SMIM31: variants seen among roughly 807,000 people sequenced by gnomAD.
SMIM31 encodes small integral membrane protein 31, also known as human epithelial cell program regulator.
chr4:164,770,453 C>T lies in SMIM31; in HGVS notation c.10C>T (p.Pro4Ser), dbSNP rs535683651. Residue 4 changes from proline to serine, a missense_variant, in exon 2 of 3, where the codon CCC becomes TCC. By Grantham distance (74) the Pro-to-Ser change is moderately conservative (BLOSUM62 -1). Coordinates refer to ENST00000507311, the MANE Select transcript of SMIM31 (RefSeq NM_001352885.1). ...TTTTCGGTGGTGGTTCATGGAGCTT[C>T]CCTACACCAACTTGGAAATGGCATT... The part of the protein sequence containing the change: MEL[P>S]YTNLEMAFIL... 1.3e-5 allele frequency: 5 copies of T among 398,936 alleles called. No homozygotes were observed. Among genetic ancestry groups the T allele is most frequent in the African/African-American group, 6.2e-5 (3 of 48,724 alleles). 24.7% of individuals were successfully genotyped at this position (398,936 alleles called of 1,614,324 possible). A position where few individuals can be genotyped will look rare whatever the true frequency, so the allele number is the denominator to read the frequency against.
chr4:164,791,428 G>T (rs1733099976), intron 2 of SMIM31, among the ~76,000 whole-genome samples: 1 of 152,112 alleles, frequency 6.6e-6, no homozygotes, highest in African/African-American at 2.4e-5. Context: ...TGCCTTTCAA[G>T]CTCAAGCCAT....
intron 1 of SMIM31, among the ~76,000 whole-genome samples, chr4:164,765,183 G>A (rs1360125949): frequency 1.3e-5 from 2 of 152,146 alleles, no homozygotes; most frequent in African/African-American, 4.8e-5. Context: ...ACAGAGGAAG[G>A]CAACATGATA....
At chr4:164,793,956 A>G (rs953810994) in intron 2 of SMIM31, among the ~76,000 whole-genome samples, 1 of 152,246 alleles carries the variant, frequency 6.6e-6, no homozygotes, top group Non-Finnish European at 1.5e-5. Context: ...TTTCTTGGCT[A>G]TGACACCAAA....
At chr4:164,758,679 G>T (rs1732601929) in intron 1 of SMIM31, among the ~76,000 whole-genome samples, 1 of 134,500 alleles carries the variant, frequency 7.4e-6, no homozygotes, top group Non-Finnish European at 1.5e-5. Context: ...TGTCCCCCAG[G>T]CTAGACTGCA....
chr4:164,788,678 A>T (rs966021712), intron 2 of SMIM31, among the ~76,000 whole-genome samples: 3 of 150,216 alleles, frequency 2.0e-5, no homozygotes, highest in Admixed American at 6.6e-5. Context: ...TAGTAGAGAC[A>T]GGGTTTCTCC....
intron 2 of SMIM31, among the ~76,000 whole-genome samples, chr4:164,797,707 G>T (rs1236421289): frequency 6.6e-6 from 1 of 151,954 alleles, no homozygotes; most frequent in Non-Finnish European, 1.5e-5. Flanking sequence ...CAGGTGATCA[G>T]CCCGCCTAGG....
chr4:164,770,370 C>T, intron 1 of SMIM31, 49 bp from the exon 2 acceptor site: 1 of 398,488 alleles, frequency 2.5e-6, no homozygotes, highest in Non-Finnish European at 4.4e-6. Flanking sequence ...GCTGAGCAAG[C>T]TCTCTCTGGA....
intron 2 of SMIM31, among the ~76,000 whole-genome samples, chr4:164,772,767 A>G (rs1200394260): frequency 1.3e-5 from 2 of 151,018 alleles, no homozygotes; most frequent in Non-Finnish European, 3.0e-5. Flanking sequence ...TTTAGTAGAG[A>G]CGGGGTTTCA....
At chr4:164,797,034 G>T (rs1480942827) in intron 2 of SMIM31, among the ~76,000 whole-genome samples, 1 of 152,104 alleles carries the variant, frequency 6.6e-6, no homozygotes, top group Non-Finnish European at 1.5e-5. Context: ...AGGGGTTCCT[G>T]CTTTAGGTTG....
At chr4:164,786,821 A>G (rs1357623959) in intron 2 of SMIM31, among the ~76,000 whole-genome samples, 1 of 152,214 alleles carries the variant, frequency 6.6e-6, no homozygotes, top group Non-Finnish European at 1.5e-5. Flanking sequence ...AGCCTGCTTG[A>G]TTTCATCCAG....
intron 1 of SMIM31, among the ~76,000 whole-genome samples, chr4:164,768,442 A>G (rs1357446360): frequency 6.6e-6 from 1 of 151,366 alleles, no homozygotes; most frequent in Non-Finnish European, 1.5e-5. Context: ...AAAAAAAAAA[A>G]AGAATGAGGA....
intron 2 of SMIM31, among the ~76,000 whole-genome samples, chr4:164,783,851 C>T (rs1241741823): frequency 1.3e-5 from 2 of 152,146 alleles, no homozygotes; most frequent in African/African-American, 4.8e-5. Context: ...CCTGTACTGA[C>T]ATTTTCACTT....
intron 1 of SMIM31, among the ~76,000 whole-genome samples, chr4:164,767,985 A>G (rs938269728): frequency 1.3e-5 from 2 of 152,134 alleles, no homozygotes; most frequent in Admixed American, 6.6e-5. Context: ...CTGTAATCTC[A>G]GCATTTTGGG....
At chr4:164,792,232 C>G (rs1014492710) in intron 2 of SMIM31, among the ~76,000 whole-genome samples, 21 of 152,148 alleles carry the variant, frequency 1.4e-4, no homozygotes, top group Admixed American at 1.4e-3. Context: ...TATCATTAAC[C>G]TTTTTCAAAG....
chr4:164,794,249 C>G (rs1429156967), intron 2 of SMIM31, among the ~76,000 whole-genome samples: 2 of 152,008 alleles, frequency 1.3e-5, no homozygotes, highest in African/African-American at 4.8e-5. Flanking sequence ...AGCAGTGGTG[C>G]ACGCCTGTAG....
intron 2 of SMIM31, among the ~76,000 whole-genome samples, chr4:164,793,957 T>A (rs1008485480): frequency 7.2e-5 from 11 of 152,206 alleles, no homozygotes; most frequent in African/African-American, 2.7e-4. Context: ...TTCTTGGCTA[T>A]GACACCAAAA....
chr4:164,790,751 G>A (rs927342100), intron 2 of SMIM31, among the ~76,000 whole-genome samples: 1 of 152,034 alleles, frequency 6.6e-6, no homozygotes, highest in Non-Finnish European at 1.5e-5. Context: ...TTCACCTGTT[G>A]ATCTAGTTTC....
intron 2 of SMIM31, among the ~76,000 whole-genome samples, chr4:164,781,129 TACACACACAC>T (rs138037586): frequency 4.8e-5 from 7 of 144,540 alleles, no homozygotes; most frequent in South Asian, 2.2e-4. Context: ...TACATTTACA[TACACACACAC>T]ACACACACAC....
Position 164,783,533 on chromosome 4 carries a change from A to G in SMIM31, c.112+12978A>G, listed in dbSNP as rs1292359889. Among the ~76,000 whole-genome samples the G allele has an allele frequency of 1.3e-3, 62 of 47,356 alleles. 1 individual carries two copies. Among genetic ancestry groups the G allele is most frequent in the African/African-American group, 3.9e-3 (60 of 15,380 alleles). The allele number at this position is 47,356 out of a possible 152,430, so 31.1% of individuals were successfully genotyped here. A position where few individuals can be genotyped will look rare whatever the true frequency, so the allele number is the denominator to read the frequency against. On this transcript the variant is annotated intron_variant, in intron 2 of 2. Transcript: ENST00000507311. ...AGCAAGATTCTGTCTCAAAAAAAGA[A>G]AAAAAAAAAAAAAAAGGAATTTCCA...
Sources: gnomAD v4.1 joint callset for allele counts (sites outside exome capture counted in the v4.1 genomes callset) on GRCh38, gnomAD v4.1.1 for gene constraint, MANE v1.5 for transcripts, NCBI Gene and HGNC (gene_info 2026-07-23, HGNC 2026-07-21) for gene names.